The following SLC35F1 variants were observed in gnomAD, a reference collection of about 807,000 sequenced individuals.
The protein encoded by SLC35F1 is chromosome 6 open reading frame 169.
A neutral mutation model predicts 48.7 loss-of-function variants in SLC35F1; 14 were observed. That is an observed-to-expected ratio of 0.29 (90% confidence interval 0.19 to 0.45). The LOEUF is 0.45. Ranked by LOEUF, SLC35F1 falls within the 20% of genes least tolerant of loss-of-function variation. SLC35F1 has a pLI of 1.00. For synonymous variants in SLC35F1, 190 were observed against 202.2 expected, an observed-to-expected ratio of 0.94 and a Z score of 0.51; for missense variants, 404 against 500.0, an observed-to-expected ratio of 0.81 and a Z score of 1.83.
chr6:118,133,062 T>G (rs1773739769), intron 1 of SLC35F1, among the ~76,000 whole-genome samples: 1 of 152,138 alleles, frequency 6.6e-6, no homozygotes, highest in African/African-American at 2.4e-5. Flanking sequence ...GAGATGTGTC[T>G]GGAAAGGCTC....
At chr6:118,207,951 G>A (rs939533234) in intron 2 of SLC35F1, among the ~76,000 whole-genome samples, 13 of 152,314 alleles carry the variant, frequency 8.5e-5, no homozygotes, top group Admixed American at 2.6e-4. Context: ...GGATTGGGGC[G>A]ATGATTTCTG....
intron 4 of SLC35F1, among the ~76,000 whole-genome samples, chr6:118,272,739 A>ATATATATATACATATATATATATATG (rs1276041072): frequency 2.3e-5 from 2 of 85,516 alleles, no homozygotes; most frequent in South Asian, 3.8e-4. Flanking sequence ...ATGTGTGTGT[A>ATATATATATACATATATATATATATG]TATATATATA....
At chr6:117,970,188 G>T (rs1285863902) in intron 1 of SLC35F1, among the ~76,000 whole-genome samples, 1 of 152,160 alleles carries the variant, frequency 6.6e-6, no homozygotes, top group Non-Finnish European at 1.5e-5. Context: ...TCTGCCAACT[G>T]CAGTGTTTGA....
chr6:118,175,224 C>T (rs1774470179), intron 2 of SLC35F1, among the ~76,000 whole-genome samples: 1 of 152,078 alleles, frequency 6.6e-6, no homozygotes, highest in East Asian at 1.9e-4. Flanking sequence ...GTCAAAGCCT[C>T]AATTTTCCAC....
intron 1 of SLC35F1, among the ~76,000 whole-genome samples, chr6:118,085,468 C>CT (rs1234923521): frequency 2.9e-5 from 2 of 70,064 alleles, no homozygotes; most frequent in Non-Finnish European, 6.1e-5. Flanking sequence ...ATAGTTTTCT[C>CT]TTTTTTTTTC....
chr6:118,162,961 CT>C (rs574750899), intron 2 of SLC35F1, among the ~76,000 whole-genome samples: 2,279 of 143,236 alleles, frequency 0.016, 18 homozygotes, highest in African/African-American at 0.026. Flanking sequence ...TCTTTTCTTT[CT>C]TTTTTTTTTT....
At chr6:118,075,655 A>G (rs953052778) in intron 1 of SLC35F1, among the ~76,000 whole-genome samples, 24 of 152,232 alleles carry the variant, frequency 1.6e-4, no homozygotes, top group Admixed American at 1.6e-3. Context: ...TTTTTGATCT[A>G]TCATTGCTTT....
At chr6:118,091,870 G>A (rs1415207206) in intron 1 of SLC35F1, among the ~76,000 whole-genome samples, 6 of 152,142 alleles carry the variant, frequency 3.9e-5, no homozygotes, top group Non-Finnish European at 8.8e-5. Context: ...GAACTTGTTG[G>A]GAACTGGAGT....
intron 1 of SLC35F1, among the ~76,000 whole-genome samples, chr6:117,928,799 A>C (rs941941041): frequency 2.0e-5 from 3 of 152,158 alleles, no homozygotes; most frequent in Non-Finnish European, 2.9e-5. Context: ...CATGGTCTGC[A>C]GTTATGGCTC....
chr6:118,202,259 C>T (rs532881676), intron 2 of SLC35F1, among the ~76,000 whole-genome samples: 1 of 152,176 alleles, frequency 6.6e-6, no homozygotes, highest in African/African-American at 2.4e-5. Context: ...CTTTGGGAGG[C>T]TGATGCAGGA....
chr6:117,921,262 A>G (rs1219196851), intron 1 of SLC35F1, among the ~76,000 whole-genome samples: 1 of 152,220 alleles, frequency 6.6e-6, no homozygotes, highest in African/African-American at 2.4e-5. Context: ...ATACCACCTA[A>G]GAAAAATAGA....
At chr6:117,977,181 CTTTTTCTTTTTCTTTCTTTCTTTTTTTT>C (rs1416950279) in intron 1 of SLC35F1, among the ~76,000 whole-genome samples, 1 of 149,300 alleles carries the variant, frequency 6.7e-6, no homozygotes, top group African/African-American at 2.4e-5. Context: ...CATGATTTTT[CTTTTTCTTTTTCTTTCTTTCTTTTTTTT>C]TTTTTGAGAC....
rs1056008686 is a variant in SLC35F1 at position 118,291,040 on chromosome 6, A to G, written c.1002+5702A>G. ...GACCTCCTGACCTCATGATCCGCCC[A>G]CCTTGGCCTCCCAAAGTGCTGGGAT... is the stretch of plus-strand genomic sequence containing the variant. On this transcript the variant is annotated intron_variant, in intron 7 of 7. Coordinates refer to ENST00000360388, the MANE Select transcript of SLC35F1 (RefSeq NM_001029858.4). Among the ~76,000 whole-genome samples the G allele has an allele frequency of 2.0e-5, 3 of 152,108 alleles. No individual in the cohort carries two copies. The South Asian group carries it at 6.2e-4, about 32-fold the overall frequency.
chr6:118,202,327 A>T (rs1395738254), intron 2 of SLC35F1, among the ~76,000 whole-genome samples: 1 of 151,826 alleles, frequency 6.6e-6, no homozygotes, highest in Non-Finnish European at 1.5e-5. Context: ...AGCTTCCATC[A>T]CTACAAAAAT....
intron 7 of SLC35F1, among the ~76,000 whole-genome samples, chr6:118,308,978 CTCA>C (rs1157907736): frequency 2.0e-5 from 3 of 152,172 alleles, no homozygotes; most frequent in Non-Finnish European, 4.4e-5. Flanking sequence ...GCTTCCTCCA[CTCA>C]TCATAGATAG....
chr6:118,292,011 G>A (rs532106791), intron 7 of SLC35F1, among the ~76,000 whole-genome samples: 6 of 152,216 alleles, frequency 3.9e-5, no homozygotes, highest in East Asian at 3.9e-4. Flanking sequence ...CCAGCTAGTC[G>A]GGAGGCTGAG....
At chr6:118,166,111 T>A (rs112453780) in intron 2 of SLC35F1, among the ~76,000 whole-genome samples, 1 of 151,496 alleles carries the variant, frequency 6.6e-6, no homozygotes, top group South Asian at 2.1e-4. Context: ...TATTTCAGAG[T>A]TGGAAAATAA....
chr6:117,925,654 A>G (rs1340769752), intron 1 of SLC35F1, among the ~76,000 whole-genome samples: 1 of 152,156 alleles, frequency 6.6e-6, no homozygotes, highest in East Asian at 1.9e-4. Flanking sequence ...CTTTGAATAC[A>G]GTTCAGGGCC....
At chr6:118,177,449 G>A (rs1348333194) in intron 2 of SLC35F1, among the ~76,000 whole-genome samples, 1 of 152,094 alleles carries the variant, frequency 6.6e-6, no homozygotes, top group Admixed American at 6.6e-5. Context: ...CTACAGTTAA[G>A]CAGTTCCCTT....
Sources: gnomAD v4.1 joint callset for allele counts (sites outside exome capture counted in the v4.1 genomes callset) on GRCh38, gnomAD v4.1.1 for gene constraint, MANE v1.5 for transcripts, NCBI Gene and HGNC (gene_info 2026-07-23, HGNC 2026-07-21) for gene names.